The following ZNF551 variants were observed in gnomAD, a reference collection of about 807,000 sequenced individuals.
The protein encoded by ZNF551 is KOX 23 protein (56 AA).
ZNF551 carries 5 observed loss-of-function variants against 7.9 expected under a neutral mutation model. The ratio of observed to expected loss-of-function variants is 0.63; its 90% CI spans 0.33 to 1.33. The LOEUF (loss-of-function observed/expected upper bound fraction) is 1.33. ZNF551 is among the 40% of genes most tolerant of loss of function. ZNF551 has a pLI of 0.05. For missense variants in ZNF551, 788 were observed against 825.2 expected (o/e 0.95, Z 0.55); for synonymous variants, 287 against 277.3 (o/e 1.03, Z -0.35).
chr19:57,685,527 G>A, intron 2 of ZNF551, 142 bp downstream of exon 2: 1 of 1,331,140 alleles, frequency 7.5e-7, no homozygotes, highest in South Asian at 1.2e-5. Context: ...CAGATTCATG[G>A]TACCTTGTGG....
Position 57,685,348 on chromosome 19 carries a change from T to A in ZNF551, c.168T>A (p.Asp56Glu). ...LDESQRFLYC[D>E]VMLENFAHVT... is the part of the protein sequence containing the mutation. ...AGTCTCAGAGGTTCCTGTACTGCGA[T>A]GTGATGCTGGAGAACTTTGCACATG... is the stretch of plus-strand genomic sequence containing the variant. Residue 56 changes from aspartate (D) to glutamate (E), a missense_variant, in exon 2 of 3, where the codon GAT (aspartate) becomes GAA (glutamate). Physicochemically the swap from Asp to Glu is conservative, Grantham distance 45. Transcript: ENST00000282296. 1 of 1,614,160 alleles carries A rather than the reference T, an allele frequency of 6.2e-7. No homozygotes were observed.
rs774784874 is a variant in ZNF551 at position 57,685,464 on chromosome 19, C to T, written c.205+79C>T. 1.3e-5 allele frequency: 21 copies of T among 1,602,234 alleles called. No homozygotes were observed. The South Asian group carries it at 1.5e-4, about 12-fold the overall frequency. On this transcript the variant is annotated intron_variant, in intron 2 of 2. Coordinates refer to ENST00000282296, the MANE Select transcript of ZNF551 (RefSeq NM_138347.5). ...ACCTCTGTCTCAGGAGTCTTGCTGT[C>T]AGCCTAGTGGATCTTATTTTTCTTG... is the stretch of plus-strand genomic sequence containing the variant.
In ZNF551 at chr19:57,682,006, C is replaced by T. The variant is rs1487091659; in HGVS notation, c.-158C>T. 1 of 715,220 alleles carries T rather than the reference C, an allele frequency of 1.4e-6. No individual in the cohort carries two copies. Among genetic ancestry groups the T allele is most frequent in the East Asian group, 3.0e-5 (1 of 33,600 alleles). 44.3% of individuals were successfully genotyped at this position (715,220 alleles called of 1,614,324 possible). On this transcript the variant is annotated 5_prime_UTR_variant, in exon 1 of 3. Coordinates refer to ENST00000282296, the MANE Select transcript of ZNF551 (RefSeq NM_138347.5). ...CTTCCGGCGTCCTCCTCGTGGCGGT[C>T]ATTTTGGCCTCTGTCCTGTTTGTCC...
At position 57,686,916 on chromosome 19, in the gene ZNF551, A is replaced by C. The variant is rs1357135863; in HGVS notation, c.641A>C (p.Gln214Pro). Residue 214 changes from glutamine (Q) to proline (P), a missense_variant, in exon 3 of 3, where the codon CAG (glutamine) becomes CCG (proline). Physicochemically the swap from Gln to Pro is moderately conservative, Grantham distance 76. Transcript: ENST00000282296. ...EPHSSSSKHI[Q>P]AFFNAKSYYK... ...CACAGTAGCAGCAGCAAGCATATACAGGCATTTTTCAATGCAAAAAGTTAT... is the reference window on the plus strand; with the variant it reads ...CACAGTAGCAGCAGCAAGCATATACCGGCATTTTTCAATGCAAAAAGTTAT... The C allele has an allele frequency of 6.2e-7, 1 of 1,614,194 alleles. No individual in the cohort carries two copies. Among genetic ancestry groups the C allele is most frequent in the Non-Finnish European group, 8.5e-7 (1 of 1,180,040 alleles).
Position 57,685,370 on chromosome 19 carries a change from C to T in ZNF551, c.190C>T (p.His64Tyr), listed in dbSNP as rs1208249154. The change falls in exon 2 of 3, where the codon CAT becomes TAT. Residue 64 changes from histidine to tyrosine, a missense_variant. By Grantham distance (83) the His-to-Tyr change is moderately conservative (BLOSUM62 2). Coordinates refer to ENST00000282296, the MANE Select transcript of ZNF551 (RefSeq NM_138347.5). ...YCDVMLENFA[H>Y]VTSLGYCHGM... ...CGATGTGATGCTGGAGAACTTTGCACATGTAACATCCCTGGGTAAGGCCCT... is the reference window on the plus strand; with the variant it reads ...CGATGTGATGCTGGAGAACTTTGCATATGTAACATCCCTGGGTAAGGCCCT... 2 of 1,613,978 alleles carry T rather than the reference C, an allele frequency of 1.2e-6. No homozygotes were observed. The highest frequency in any genetic ancestry group is 8.5e-7 in the Non-Finnish European group (1 of 1,179,994).
chr19:57,686,622 T>C lies in ZNF551; in HGVS notation c.347T>C (p.Ile116Thr). The C allele has an allele frequency of 6.2e-7, 1 of 1,614,164 alleles. No individual in the cohort carries two copies. Among genetic ancestry groups the C allele is most frequent in the Non-Finnish European group, 8.5e-7 (1 of 1,180,030 alleles). Residue 116 changes from isoleucine to threonine, a missense_variant, in exon 3 of 3, where the codon ATT becomes ACT. Physicochemically the swap from Ile to Thr is moderately conservative, Grantham distance 89. Transcript: ENST00000282296. ...IKMCVPVLKD[I>T]LPAAEHQTTS... The stretch of plus-strand genomic sequence containing the variant: ...ATGTGTGTCCCAGTCTTGAAAGACA[T>C]TTTGCCTGCGGCTGAGCACCAAACC...
Position 57,686,991 on chromosome 19 carries a change from TTCA to T in ZNF551, c.717_719del (p.Gln240del), listed in dbSNP as rs1292773344. 3.1e-6 allele frequency: 5 copies of T among 1,614,206 alleles called. No homozygotes were observed. The South Asian group carries it at 4.4e-5, about 14-fold the overall frequency. On this transcript the variant is annotated inframe_deletion, in exon 3 of 3. Transcript: ENST00000282296. ...GCTTCAAGCCACAAACACACACTTG[TTCA>T]GCATCAGAGTGTCTGTTCTGAAGGA...
intron 2 of ZNF551, among the ~76,000 whole-genome samples, chr19:57,686,110 C>G (rs1984545162): frequency 6.6e-6 from 1 of 152,204 alleles, no homozygotes; most frequent in Non-Finnish European, 1.5e-5. Flanking sequence ...CACACAGCCT[C>G]AAATAGTCCT....
chr19:57,682,160 T>C lies in ZNF551; in HGVS notation c.-4T>C. 6.5e-7 allele frequency: 1 copy of C among 1,548,140 alleles called. No homozygotes were observed. The highest frequency in any genetic ancestry group is 2.4e-5 in the East Asian group (1 of 40,906). On this transcript the variant is annotated 5_prime_UTR_variant, in exon 1 of 3. Coordinates refer to ENST00000282296, the MANE Select transcript of ZNF551 (RefSeq NM_138347.5). ...AGGCCCGGGATAGGGACTGTTGTGT[T>C]CGAATGCCCGCCCCGGTCGGCCGCC...
chr19:57,688,094 A>G lies in ZNF551; in HGVS notation c.1819A>G (p.Arg607Gly), dbSNP rs139901068. ...SQSSSLIQHQ[R>G]GHTGERPYEC... ...GAGCTCTAGCCTCATTCAACACCAG[A>G]GAGGTCACACTGGAGAAAGACCTTA... Residue 607 changes from arginine (R) to glycine (G), a missense_variant, in exon 3 of 3, where the codon AGA becomes GGA. Arg to Gly is a moderately radical substitution (Grantham distance 125, BLOSUM62 -2). Coordinates refer to ENST00000282296, the MANE Select transcript of ZNF551 (RefSeq NM_138347.5). 8.1e-6 allele frequency: 13 copies of G among 1,614,166 alleles called. No individual in the cohort carries two copies. In the African/African-American group the frequency reaches 1.1e-4, roughly 13 times the overall value.
At position 57,689,198 on chromosome 19, in the gene ZNF551, G is replaced by A. The variant is rs1321614623; in HGVS notation, c.*910G>A. On this transcript the variant is annotated 3_prime_UTR_variant, in exon 3 of 3. Transcript: ENST00000282296. The stretch of plus-strand genomic sequence containing the variant: ...GAATTTTGTTCAGTTGTCCACAGGA[G>A]ATCCACATAATTCCTAGCACTGGTG... 1 of 152,244 alleles carries A rather than the reference G, an allele frequency of 6.6e-6. No individual in the cohort carries two copies. Among genetic ancestry groups the A allele is most frequent in the African/African-American group, 2.4e-5 (1 of 41,456 alleles). 9.4% of individuals were successfully genotyped at this position (152,244 alleles called of 1,614,324 possible). A position where few individuals can be genotyped will look rare whatever the true frequency, so the allele number is the denominator to read the frequency against.
intron 1 of ZNF551, 125 bp from the exon 2 acceptor site, chr19:57,685,137 G>A (rs182086252): frequency 1.2e-4 from 150 of 1,273,582 alleles, no homozygotes; most frequent in Admixed American, 8.4e-4. Flanking sequence ...GGTAGGCATC[G>A]GTGGCACTGT....
rs1160141768 is a variant in ZNF551 at position 57,681,978 on chromosome 19, G to C, written c.-186G>C. 1 of 632,112 alleles carries C rather than the reference G, an allele frequency of 1.6e-6. No homozygotes were observed. Among genetic ancestry groups the C allele is most frequent in the Admixed American group, 3.1e-5 (1 of 31,922 alleles). 39.2% of individuals were successfully genotyped at this position (632,112 alleles called of 1,614,324 possible). A position where few individuals can be genotyped will look rare whatever the true frequency, so the allele number is the denominator to read the frequency against. ...CGCGCACGCGCAGCGCGACGGGCCG[G>C]AACTTCCGGCGTCCTCCTCGTGGCG... is the stretch of plus-strand genomic sequence containing the variant. On this transcript the variant is annotated 5_prime_UTR_variant, in exon 1 of 3. Transcript: ENST00000282296.
At position 57,690,596 on chromosome 19, in the gene ZNF551, T is replaced by C. The variant is rs1048263021; in HGVS notation, c.*2308T>C. On this transcript the variant is annotated 3_prime_UTR_variant, in exon 3 of 3. Transcript: ENST00000282296. ...TTATCCATGTGTTTAGGGACATTTATATTATTTATAGATTTTTGTATATTA... is the reference window on the plus strand; with the variant it reads ...TTATCCATGTGTTTAGGGACATTTACATTATTTATAGATTTTTGTATATTA... 3.9e-5 allele frequency: 6 copies of C among 152,198 alleles called. No individual in the cohort carries two copies. The highest frequency in any genetic ancestry group is 8.8e-5 in the Non-Finnish European group (6 of 68,036). 9.4% of individuals were successfully genotyped at this position (152,198 alleles called of 1,614,324 possible). A position where few individuals can be genotyped will look rare whatever the true frequency, so the allele number is the denominator to read the frequency against.
intron 1 of ZNF551, among the ~76,000 whole-genome samples, chr19:57,684,363 G>A (rs1028699490): frequency 6.6e-6 from 1 of 152,114 alleles, no homozygotes; most frequent in African/African-American, 2.4e-5. Flanking sequence ...AAGTGTGGTA[G>A]AGTATTGTGC....
chr19:57,684,705 C>T (rs1330704668), intron 1 of ZNF551, among the ~76,000 whole-genome samples: 1 of 152,014 alleles, frequency 6.6e-6, no homozygotes, highest in Non-Finnish European at 1.5e-5. Flanking sequence ...ATTTGGGGTC[C>T]TAGGAGAGAT....
At chr19:57,682,743 G>A (rs1415890660) in intron 1 of ZNF551, among the ~76,000 whole-genome samples, 2 of 152,012 alleles carry the variant, frequency 1.3e-5, no homozygotes, top group East Asian at 3.9e-4. Flanking sequence ...AGATAGTGCA[G>A]CCAGCCCAGG....
chr19:57,684,878 G>A (rs1243069501), intron 1 of ZNF551, among the ~76,000 whole-genome samples: 2 of 152,164 alleles, frequency 1.3e-5, no homozygotes, highest in Non-Finnish European at 2.9e-5. Flanking sequence ...GGAGTCAGAG[G>A]GGTAAAGGGT....
In ZNF551 at chr19:57,686,502, A is replaced by C. The variant is rs781149193; in HGVS notation, c.227A>C (p.Asn76Thr). 1 of 1,606,042 alleles carries C rather than the reference A, an allele frequency of 6.2e-7. No individual in the cohort carries two copies. The highest frequency in any genetic ancestry group is 8.5e-7 in the Non-Finnish European group (1 of 1,173,302). The change falls in exon 3 of 3, where the codon AAT (asparagine) becomes ACT (threonine). Residue 76 changes from asparagine (N) to threonine (T), a missense_variant. Coordinates refer to ENST00000282296, the MANE Select transcript of ZNF551 (RefSeq NM_138347.5). ...TSLGYCHGME[N>T]EAIASEQSVS... ...TCAGGTTATTGCCATGGAATGGAGA[A>C]TGAGGCGATAGCTTCTGAGCAGAGT... is the stretch of plus-strand genomic sequence containing the variant.
Sources: allele counts gnomAD v4.1 joint callset (sites outside exome capture counted in the v4.1 genomes callset), GRCh38; gene constraint gnomAD v4.1.1; transcripts MANE v1.5; gene names NCBI Gene and HGNC (gene_info 2026-07-23, HGNC 2026-07-21).